IFT74: variants seen among roughly 807,000 people sequenced by gnomAD.
The protein encoded by IFT74 is intraflagellar transport protein 74 homolog.
IFT74 carries 92 observed loss-of-function variants against 96.7 expected under a neutral mutation model. That is an observed-to-expected ratio of 0.95 (90% CI 0.80 to 1.13). The LOEUF is 1.13. Ranked by LOEUF, IFT74 falls within the 50% of genes most tolerant of loss-of-function variation. IFT74 has a pLI of 0.00. For synonymous variants in IFT74, 223 were observed against 213.2 expected (o/e 1.05, Z -0.40); for missense variants, 811 against 698.2 (o/e 1.16, Z -1.82).
intron 2 of IFT74, among the ~76,000 whole-genome samples, chr9:26,969,505 G>GT (rs1826788215): frequency 6.6e-6 from 1 of 151,240 alleles, no homozygotes; most frequent in Admixed American, 6.6e-5. Flanking sequence ...TGTTGTTGTT[G>GT]TTTTTTTAAA....
chr9:27,028,869 A>G (rs960845149), intron 12 of IFT74, 156 bp from the exon 13 acceptor site: 1 of 585,506 alleles, frequency 1.7e-6, no homozygotes, highest in Non-Finnish European at 2.8e-6. Context: ...AAGATATCCT[A>G]ATGTCATCGT....
At chr9:26,983,829 G>C (rs1334109883) in intron 4 of IFT74, 1 of 145,142 alleles carries the variant, frequency 6.9e-6, no homozygotes, top group Non-Finnish European at 1.5e-5. Context: ...TGTCTCCCAG[G>C]CTGGAGTGTA....
chr9:27,008,119 G>C (rs1386258491), intron 8 of IFT74, among the ~76,000 whole-genome samples: 16 of 152,082 alleles, frequency 1.1e-4, no homozygotes, highest in Admixed American at 1.0e-3. Context: ...CTAAAAAATA[G>C]CAAAAATTTG....
chr9:26,947,362 G>A (rs1024288974), intron 1 of IFT74: 9 of 321,848 alleles, frequency 2.8e-5, no homozygotes, highest in African/African-American at 4.3e-5. Context: ...TGGACTCCCT[G>A]CTGAGCAAGA....
At chr9:27,039,374 T>A (rs1300703144) in intron 13 of IFT74, among the ~76,000 whole-genome samples, 2 of 152,110 alleles carry the variant, frequency 1.3e-5, no homozygotes, top group South Asian at 2.1e-4. Context: ...CTCTTTCAGG[T>A]CATTAAATGA....
intron 1 of IFT74, among the ~76,000 whole-genome samples, chr9:26,949,911 G>A (rs1192406816): frequency 6.6e-6 from 1 of 152,190 alleles, no homozygotes; most frequent in Non-Finnish European, 1.5e-5. Flanking sequence ...TCAAAGACCA[G>A]TTAATTAGGT....
At chr9:27,021,690 C>G (rs565062189) in intron 12 of IFT74, among the ~76,000 whole-genome samples, 1 of 150,728 alleles carries the variant, frequency 6.6e-6, no homozygotes, top group African/African-American at 2.4e-5. Flanking sequence ...ATTTTTTTTT[C>G]TTGCTGATTT....
intron 13 of IFT74, among the ~76,000 whole-genome samples, chr9:27,037,567 G>C (rs1819263178): frequency 6.6e-6 from 1 of 152,200 alleles, no homozygotes; most frequent in South Asian, 2.1e-4. Context: ...TGTGTTGAAA[G>C]AAACTTGTTA....
intron 1 of IFT74, among the ~76,000 whole-genome samples, chr9:26,959,933 T>C (rs1826281002): frequency 1.3e-5 from 2 of 152,142 alleles, no homozygotes; most frequent in South Asian, 2.1e-4. Flanking sequence ...GCACTTCAGA[T>C]TGGATGTAGA....
chr9:27,005,557 A>T (rs1327790505), intron 8 of IFT74: 1 of 152,014 alleles, frequency 6.6e-6, no homozygotes, highest in Non-Finnish European at 1.5e-5. Context: ...AAAAAAATAC[A>T]ACAATAACCA....
At chr9:27,012,748 G>T (rs1163067595) in intron 10 of IFT74, among the ~76,000 whole-genome samples, 1 of 109,478 alleles carries the variant, frequency 9.1e-6, no homozygotes, top group Non-Finnish European at 1.7e-5. Flanking sequence ...ACAGAGTATC[G>T]CTCTGTTGCC....
chr9:26,997,747 G>A (rs772333195), intron 8 of IFT74: 6 of 1,608,448 alleles, frequency 3.7e-6, no homozygotes, highest in Non-Finnish European at 4.2e-6. Flanking sequence ...CATTTGATGT[G>A]TTCAACCAGT....
upstream of IFT74, among the ~76,000 whole-genome samples, chr9:26,953,493 A>G (rs1411705780): frequency 4.6e-5 from 7 of 152,218 alleles, no homozygotes. Flanking sequence ...GGGTCAAAGG[A>G]CATGTGCATT....
chr9:27,041,004 C>G (rs1021373486), intron 13 of IFT74, among the ~76,000 whole-genome samples: 3 of 152,240 alleles, frequency 2.0e-5, no homozygotes, highest in African/African-American at 7.2e-5. Context: ...GCATATCTCC[C>G]TTACTGCACT....
chr9:27,048,474 A>G (rs1013992732), intron 16 of IFT74, among the ~76,000 whole-genome samples, 200 bp downstream of exon 16: 3 of 152,178 alleles, frequency 2.0e-5, no homozygotes, highest in Non-Finnish European at 4.4e-5. Flanking sequence ...TTGAATACTT[A>G]TTTCAAGCCT....
At chr9:27,060,436 TTTAA>T (rs200113068) in intron 18 of IFT74, among the ~76,000 whole-genome samples, 151 bp from the exon 19 acceptor site, 1,918 of 151,990 alleles carry the variant, frequency 0.013, 37 homozygotes, top group African/African-American at 0.044. Flanking sequence ...TTTACTATTA[TTTAA>T]TCTTTTTTTT....
chr9:27,016,930 A>T lies in IFT74; in HGVS notation c.813A>T (p.Lys271Asn), dbSNP rs747034938. ...AGGAAATAGCTCACTCCCAGGTGAA[A>T]CAGGAGGCGGTATTGCTGCATGAAA... is the stretch of plus-strand genomic sequence containing the variant. ...LEAEIAHSQVKQEAVLLHEKL... is the reference protein window; with the variant it reads ...LEAEIAHSQVNQEAVLLHEKL... Residue 271 changes from lysine (K) to asparagine (N), a missense_variant, in exon 11 of 20, where the codon AAA becomes AAT. Coordinates refer to ENST00000380062, the MANE Select transcript of IFT74 (RefSeq NM_025103.4). 10 of 1,606,964 alleles carry T rather than the reference A, an allele frequency of 6.2e-6. No individual in the cohort carries two copies. In the Middle Eastern group the frequency reaches 1.5e-3, roughly 240 times the overall value.
chr9:27,040,821 G>T (rs1320218799), intron 13 of IFT74, among the ~76,000 whole-genome samples: 1 of 152,120 alleles, frequency 6.6e-6, no homozygotes, highest in Non-Finnish European at 1.5e-5. Context: ...TTGGAAAATG[G>T]TAATCAGACC....
intron 8 of IFT74, among the ~76,000 whole-genome samples, chr9:27,002,782 T>C (rs55902149): frequency 0.048 from 7,275 of 152,302 alleles, 230 homozygotes; most frequent in South Asian, 0.13. Context: ...GGATCTTTTA[T>C]GGTTCCATAT....
Sources: gnomAD v4.1 joint callset for allele counts (sites outside exome capture counted in the v4.1 genomes callset) on GRCh38, gnomAD v4.1.1 for gene constraint, MANE v1.5 for transcripts, NCBI Gene and HGNC (gene_info 2026-07-23, HGNC 2026-07-21) for gene names.